CBFA2T2: variants seen among roughly 807,000 people sequenced by gnomAD.
CBFA2T2 encodes protein CBFA2T2.
A neutral mutation model predicts 62.2 loss-of-function variants in CBFA2T2; 11 were observed. That is an observed-to-expected ratio of 0.18 (90% CI 0.11 to 0.29). CBFA2T2 has a LOEUF of 0.29. Among genes scored for constraint, CBFA2T2 ranks in the 10% least tolerant of loss-of-function variants. CBFA2T2 has a pLI of 1.00. For synonymous variants in CBFA2T2, 295 were observed against 287.5 expected, an observed-to-expected ratio of 1.03 and a Z score of -0.27; for missense variants, 592 against 774.1, an observed-to-expected ratio of 0.76 and a Z score of 2.79.
intron 1 of CBFA2T2, among the ~76,000 whole-genome samples, chr20:33,513,365 G>GTT (rs778000757): frequency 1.4e-5 from 2 of 143,536 alleles, no homozygotes; most frequent in Non-Finnish European, 3.1e-5. Context: ...TTTTTTTTTG[G>GTT]TTTTTTTTTT....
chr20:33,593,871 A>G (rs888089712), intron 1 of CBFA2T2, among the ~76,000 whole-genome samples: 3 of 152,154 alleles, frequency 2.0e-5, no homozygotes, highest in Non-Finnish European at 2.9e-5. Flanking sequence ...ACATATCCCA[A>G]AGGGTCTCCA....
intron 1 of CBFA2T2, among the ~76,000 whole-genome samples, chr20:33,605,329 A>G (rs1388936247): frequency 6.6e-6 from 1 of 152,152 alleles, no homozygotes; most frequent in African/African-American, 2.4e-5. Context: ...TTTACACTTT[A>G]ATTTGAATTC....
chr20:33,564,447 G>A (rs978162779), intron 1 of CBFA2T2, among the ~76,000 whole-genome samples: 17 of 151,556 alleles, frequency 1.1e-4, no homozygotes, highest in Admixed American at 2.0e-4. Flanking sequence ...TAGTAGAGAC[G>A]GGTTTTACCA....
intron 1 of CBFA2T2, 65 bp downstream of exon 1, chr20:33,490,366 G>C: frequency 8.1e-7 from 1 of 1,237,068 alleles, no homozygotes; most frequent in Non-Finnish European, 1.0e-6. Flanking sequence ...CCGCAGGCGC[G>C]GTGATTCCGA....
chr20:33,508,998 G>A (rs575193906), intron 1 of CBFA2T2, among the ~76,000 whole-genome samples: 218 of 152,280 alleles, frequency 1.4e-3, no homozygotes, highest in Non-Finnish European at 2.8e-3. Flanking sequence ...CAGATCAGTC[G>A]TTTACATGTG....
rs1433033899 is a variant in CBFA2T2, at chr20:33,649,119, G to A, written c.*4473G>A. 1.3e-5 allele frequency: 2 copies of A among 152,210 alleles called. No homozygotes were observed. The highest frequency in any genetic ancestry group is 2.9e-5 in the Non-Finnish European group (2 of 68,012). The allele number at this position is 152,210 out of a possible 1,614,324, so 9.4% of individuals were successfully genotyped here. ...TTCTTCAGAACTGAACTAGAAACAA[G>A]GTTTCCAGGCTCCCAGGTCAGTAGA... is the stretch of plus-strand genomic sequence containing the variant. On this transcript the variant is annotated 3_prime_UTR_variant, in exon 11 of 11. Coordinates refer to ENST00000342704, the MANE Select transcript of CBFA2T2 (RefSeq NM_001032999.3).
At chr20:33,558,218 G>A (rs1420541967) in intron 1 of CBFA2T2, among the ~76,000 whole-genome samples, 1 of 150,486 alleles carries the variant, frequency 6.6e-6, no homozygotes, top group Non-Finnish European at 1.5e-5. Flanking sequence ...TGCAACCTCC[G>A]CCTCCCAAAT....
chr20:33,569,527 T>A (rs768685807), intron 1 of CBFA2T2, among the ~76,000 whole-genome samples: 1 of 152,204 alleles, frequency 6.6e-6, no homozygotes, highest in East Asian at 1.9e-4. Flanking sequence ...AAACTCTAGA[T>A]AGAATTTCAA....
At chr20:33,536,790 CCTTA>C (rs1356510619) in intron 1 of CBFA2T2, among the ~76,000 whole-genome samples, 1 of 151,014 alleles carries the variant, frequency 6.6e-6, no homozygotes, top group African/African-American at 2.4e-5. Context: ...CAGAGACGCT[CCTTA>C]CTTCCTAGAT....
chr20:33,637,711 A>G (rs1481960887), intron 9 of CBFA2T2, among the ~76,000 whole-genome samples: 1 of 148,520 alleles, frequency 6.7e-6, no homozygotes, highest in Non-Finnish European at 1.5e-5. Flanking sequence ...CTTGTTGCCC[A>G]GGCTGGAGTG....
chr20:33,523,764 A>G (rs1015605472), intron 1 of CBFA2T2, among the ~76,000 whole-genome samples: 2 of 152,048 alleles, frequency 1.3e-5, no homozygotes, highest in Non-Finnish European at 2.9e-5. Context: ...TCCTCACCGC[A>G]ACCTCCGCCT....
chr20:33,622,501 G>C (rs753683966), intron 4 of CBFA2T2, among the ~76,000 whole-genome samples: 3 of 152,182 alleles, frequency 2.0e-5, no homozygotes, highest in Non-Finnish European at 2.9e-5. Flanking sequence ...TTTTAAAGAT[G>C]TATAGGGTTT....
At chr20:33,599,090 A>G (rs1007875764) in intron 1 of CBFA2T2, among the ~76,000 whole-genome samples, 40 of 152,186 alleles carry the variant, frequency 2.6e-4, no homozygotes, top group Non-Finnish European at 3.8e-4. Flanking sequence ...GTGAAACTCC[A>G]TCTCTACTAA....
At chr20:33,522,028 G>A (rs2011744265) in intron 1 of CBFA2T2, among the ~76,000 whole-genome samples, 1 of 151,986 alleles carries the variant, frequency 6.6e-6, no homozygotes, top group Non-Finnish European at 1.5e-5. Context: ...GAAGATCTGG[G>A]AAGTAAGCAA....
intron 10 of CBFA2T2, among the ~76,000 whole-genome samples, chr20:33,643,832 T>TGC (rs2016950876): frequency 1.0e-5 from 1 of 98,216 alleles, no homozygotes. Flanking sequence ...ATAATGTGTG[T>TGC]GTGTGTGTGT....
rs3803939 is a variant in CBFA2T2, at chr20:33,624,884, C to T, written c.813C>T (p.Pro271=). 826,443 of 1,613,606 alleles carry T rather than the reference C, an allele frequency of 0.51. 218,153 individuals carry two copies. The highest frequency in any genetic ancestry group is 0.8 in the African/African-American group (60,052 of 74,864). Residue 271 remains proline, a synonymous_variant, in exon 6 of 11, where the codon CCC becomes CCT. Transcript: ENST00000342704. The part of the protein sequence containing the change: ...SPALTVPLMN[P]GGQFHPTPPP... ...CTCTCACTGTGCCCCTCATGAATCC[C>T]GGGGGCCAATTCCATCCTACCCCTC...
At chr20:33,503,961 T>G (rs1045611274) in intron 1 of CBFA2T2, among the ~76,000 whole-genome samples, 8 of 152,192 alleles carry the variant, frequency 5.3e-5, no homozygotes, top group African/African-American at 1.2e-4. Flanking sequence ...CAGATAGAGA[T>G]AATTTTCATT....
At chr20:33,490,333 G>T (rs750328258) in intron 1 of CBFA2T2, 32 bp downstream of exon 1, 3 of 1,276,124 alleles carry the variant, frequency 2.4e-6, no homozygotes, top group African/African-American at 1.5e-5. Context: ...GCGGCCGAGG[G>T]GGGCGTGTGA....
At chr20:33,627,175 A>G (rs1221124464) in intron 6 of CBFA2T2, among the ~76,000 whole-genome samples, 3 of 152,084 alleles carry the variant, frequency 2.0e-5, no homozygotes, top group Non-Finnish European at 4.4e-5. Flanking sequence ...AGGTGGGCGA[A>G]TCGTGAGGTC....
Sources: allele counts gnomAD v4.1 joint callset (sites outside exome capture counted in the v4.1 genomes callset), GRCh38; gene constraint gnomAD v4.1.1; transcripts MANE v1.5; gene names NCBI Gene and HGNC (gene_info 2026-07-23, HGNC 2026-07-21).